HPSE2: variants seen among roughly 807,000 people sequenced by gnomAD.
HPSE2 encodes heparanase 2 (inactive).
In HPSE2, 38 loss-of-function variants were observed where a neutral mutation model predicts 60.5. The ratio of observed to expected loss-of-function variants is 0.63; its 90% CI spans 0.48 to 0.82. The LOEUF is 0.82. HPSE2 is among the 40% of genes least tolerant of loss of function. The pLI, the probability that HPSE2 is intolerant of heterozygous loss-of-function variation, is 0.00. For synonymous variants in HPSE2, 295 were observed against 293.2 expected, an observed-to-expected ratio of 1.01 and a Z score of -0.06; for missense variants, 713 against 740.4, an observed-to-expected ratio of 0.96 and a Z score of 0.43.
chr10:99,108,221 G>A (rs188688805), intron 3 of HPSE2, among the ~76,000 whole-genome samples: 1 of 152,118 alleles, frequency 6.6e-6, no homozygotes, highest in South Asian at 2.1e-4. Context: ...AGTTGGAAAA[G>A]TGACTTGTGC....
At chr10:98,691,039 T>C (rs1400270074) in intron 6 of HPSE2, among the ~76,000 whole-genome samples, 1 of 152,118 alleles carries the variant, frequency 6.6e-6, no homozygotes, top group Non-Finnish European at 1.5e-5. Flanking sequence ...TCCCCCAGCC[T>C]TTTTTTACTA....
At chr10:98,879,374 G>A (rs1952959188) in intron 3 of HPSE2, among the ~76,000 whole-genome samples, 1 of 151,984 alleles carries the variant, frequency 6.6e-6, no homozygotes, top group Non-Finnish European at 1.5e-5. Context: ...TACTACTTCT[G>A]TTTCTTTGTA....
intron 2 of HPSE2, among the ~76,000 whole-genome samples, chr10:99,215,436 G>C (rs1849087415): frequency 6.6e-6 from 1 of 152,134 alleles, no homozygotes; most frequent in Non-Finnish European, 1.5e-5. Context: ...CACAGGGAGG[G>C]AAACATCACC....
At chr10:98,888,209 A>G (rs186153593) in intron 3 of HPSE2, among the ~76,000 whole-genome samples, 1 of 151,744 alleles carries the variant, frequency 6.6e-6, no homozygotes, top group Admixed American at 6.6e-5. Context: ...AGCCCTGAAG[A>G]AAACGGAGCA....
chr10:98,999,275 A>G (rs1956724043), intron 3 of HPSE2, among the ~76,000 whole-genome samples: 1 of 152,026 alleles, frequency 6.6e-6, no homozygotes, highest in South Asian at 2.1e-4. Context: ...TGGAGGAAAT[A>G]TGAGTTTTGC....
At chr10:98,661,266 G>A (rs778257477) in intron 6 of HPSE2, among the ~76,000 whole-genome samples, 1 of 152,200 alleles carries the variant, frequency 6.6e-6, no homozygotes, top group African/African-American at 2.4e-5. Flanking sequence ...AAAGGATTCT[G>A]GTCTTGGAGA....
At chr10:98,939,839 T>C (rs1427832584) in intron 3 of HPSE2, among the ~76,000 whole-genome samples, 3 of 142,808 alleles carry the variant, frequency 2.1e-5, no homozygotes, top group Non-Finnish European at 4.5e-5. Flanking sequence ...GAAGTAAAGC[T>C]CTCCTCAGCA....
rs1374151431 is a variant in HPSE2, at chr10:98,941,984, A to T, written c.611-197928T>A. Among the ~76,000 whole-genome samples the T allele has an allele frequency of 7.7e-5, 11 of 143,272 alleles. 3 individuals are homozygous for T. The highest frequency in any genetic ancestry group is 2.8e-4 in the African/African-American group (10 of 35,154). 94.0% of individuals were successfully genotyped at this position (143,272 alleles called of 152,430 possible). A position where few individuals can be genotyped will look rare whatever the true frequency, so the allele number is the denominator to read the frequency against. ...GAGAAAAACAAGCAATGGGGAAAGGATTCCCTATTTAATAAATGGTGCTGG... is the reference window on the plus strand; with the variant it reads ...GAGAAAAACAAGCAATGGGGAAAGGTTTCCCTATTTAATAAATGGTGCTGG... On this transcript the variant is annotated intron_variant, in intron 3 of 11. Coordinates refer to ENST00000370552, the MANE Select transcript of HPSE2 (RefSeq NM_021828.5).
the HPSE2 span, among the ~76,000 whole-genome samples, chr10:99,265,519 C>CA: frequency 3.3e-5 from 5 of 152,310 alleles, no homozygotes; most frequent in East Asian, 7.7e-4. Flanking sequence ...ATCAGTGCAG[C>CA]AAACCACCAT....
At chr10:98,502,112 AC>A (rs1232524198) in intron 9 of HPSE2, among the ~76,000 whole-genome samples, 1 of 152,184 alleles carries the variant, frequency 6.6e-6, no homozygotes, top group African/African-American at 2.4e-5. Flanking sequence ...TGTGAAAATG[AC>A]CATACTTCCA....
chr10:98,800,375 AT>A (rs1306858659), intron 3 of HPSE2, among the ~76,000 whole-genome samples: 6 of 148,394 alleles, frequency 4.0e-5, no homozygotes, highest in Non-Finnish European at 7.4e-5. Context: ...CTCAAAAAAA[AT>A]ATATAAAATA....
At chr10:98,959,660 T>C (rs1388472872) in intron 3 of HPSE2, among the ~76,000 whole-genome samples, 1 of 152,172 alleles carries the variant, frequency 6.6e-6, no homozygotes, top group Non-Finnish European at 1.5e-5. Context: ...AAACTTCATC[T>C]GCATTTGAAA....
intron 3 of HPSE2, among the ~76,000 whole-genome samples, chr10:98,820,744 G>GGT (rs1454763494): frequency 6.6e-6 from 1 of 152,080 alleles, no homozygotes; most frequent in African/African-American, 2.4e-5. Flanking sequence ...CCAGCAATTA[G>GGT]GTTCAATAGC....
At chr10:98,714,993 C>A (rs2134230738) in intron 5 of HPSE2, among the ~76,000 whole-genome samples, 1 of 151,886 alleles carries the variant, frequency 6.6e-6, no homozygotes, top group African/African-American at 2.4e-5. Context: ...GTAAATATGT[C>A]CACTCATATC....
chr10:99,047,667 C>T (rs78381684), intron 3 of HPSE2: 14,296 of 772,690 alleles, frequency 0.019, 177 homozygotes, highest in Middle Eastern at 0.042. Flanking sequence ...AAGAAGAAGA[C>T]GGTTCCTGCT....
chr10:98,785,781 G>C (rs1256681581), intron 3 of HPSE2, among the ~76,000 whole-genome samples: 1 of 19,212 alleles, frequency 5.2e-5, no homozygotes, highest in Non-Finnish European at 9.0e-5. Flanking sequence ...TGTGGGATCG[G>C]TGGTGATATC....
the HPSE2 span, among the ~76,000 whole-genome samples, chr10:99,270,459 C>A: frequency 3.3e-5 from 5 of 152,074 alleles, no homozygotes; most frequent in Non-Finnish European, 7.4e-5. Context: ...ATACTCTGAG[C>A]AGACCAATAA....
At chr10:98,634,974 T>C (rs1946459678) in intron 7 of HPSE2, among the ~76,000 whole-genome samples, 1 of 152,206 alleles carries the variant, frequency 6.6e-6, no homozygotes, top group African/African-American at 2.4e-5. Flanking sequence ...CTAAGGTGGG[T>C]ACTTCCCACC....
chr10:98,637,838 A>T (rs1316398713), intron 7 of HPSE2, among the ~76,000 whole-genome samples: 1 of 152,164 alleles, frequency 6.6e-6, no homozygotes, highest in Non-Finnish European at 1.5e-5. Flanking sequence ...GTATATAGAC[A>T]GTAAAACCTT....
Sources: allele counts gnomAD v4.1 joint callset (sites outside exome capture counted in the v4.1 genomes callset), GRCh38; gene constraint gnomAD v4.1.1; transcripts MANE v1.5; gene names NCBI Gene and HGNC (gene_info 2026-07-23, HGNC 2026-07-21).